RNF10: variants seen among roughly 807,000 people sequenced by gnomAD.
RNF10 encodes the protein ring finger protein 10.
RNF10 carries 38 observed loss-of-function variants against 91.4 expected under a neutral mutation model. The ratio of observed to expected loss-of-function variants is 0.42; its 90% confidence interval spans 0.32 to 0.54. The LOEUF is 0.54. RNF10 is among the 20% of genes least tolerant of loss of function. The probability of loss-of-function intolerance (pLI) is 0.16; values close to 1 mark genes in which losing one functional copy is unlikely to be tolerated. For missense variants in RNF10, 945 were observed against 1,012.0 expected, an observed-to-expected ratio of 0.93 and a Z score of 0.90; for synonymous variants, 364 against 366.3, an observed-to-expected ratio of 0.99 and a Z score of 0.07.
At chr12:120,555,362 A>G (rs1873820709) in intron 4 of RNF10, among the ~76,000 whole-genome samples, 1 of 150,084 alleles carries the variant, frequency 6.7e-6, no homozygotes, top group Non-Finnish European at 1.5e-5. Context: ...TTGTATTTTT[A>G]GTAGAGACGG....
chr12:120,557,162 T>C, intron 4 of RNF10, 120 bp from the exon 5 acceptor site: 2 of 806,892 alleles, frequency 2.5e-6, no homozygotes, highest in Middle Eastern at 2.4e-4. Context: ...ATGTTGAGTA[T>C]AAGGATGTAC....
chr12:120,542,653 A>G (rs1367066405), intron 1 of RNF10, among the ~76,000 whole-genome samples: 3 of 152,090 alleles, frequency 2.0e-5, no homozygotes, highest in Non-Finnish European at 4.4e-5. Flanking sequence ...CCCGGGTTCA[A>G]ATGATTCTCA....
At chr12:120,546,639 A>C in intron 2 of RNF10, 38 bp downstream of exon 2, 1 of 1,565,694 alleles carries the variant, frequency 6.4e-7, no homozygotes, top group Non-Finnish European at 8.7e-7. Context: ...GAGCATAAGC[A>C]TGAGATCTGA....
At chr12:120,555,628 C>T (rs1873869091) in intron 4 of RNF10, among the ~76,000 whole-genome samples, 1 of 152,014 alleles carries the variant, frequency 6.6e-6, no homozygotes, top group African/African-American at 2.4e-5. Flanking sequence ...ACTGGGACTA[C>T]AGGCACGCAC....
chr12:120,550,366 G>A (rs1295558502), intron 2 of RNF10, among the ~76,000 whole-genome samples: 1 of 152,082 alleles, frequency 6.6e-6, no homozygotes, highest in Non-Finnish European at 1.5e-5. Flanking sequence ...GAAAGTGACA[G>A]TGGGCCAGCT....
At chr12:120,555,157 G>A (rs1355766678) in intron 4 of RNF10, among the ~76,000 whole-genome samples, 1 of 152,336 alleles carries the variant, frequency 6.6e-6, no homozygotes, top group Non-Finnish European at 1.5e-5. Context: ...CCTTGTGGCA[G>A]GGAGGCACAT....
chr12:120,570,889 A>G (rs1876517349), intron 13 of RNF10, among the ~76,000 whole-genome samples: 1 of 152,128 alleles, frequency 6.6e-6, no homozygotes, highest in African/African-American at 2.4e-5. Context: ...GCCTTTGTGG[A>G]AAGTATAGCA....
intron 13 of RNF10, 123 bp from the exon 14 acceptor site, chr12:120,571,067 CT>C (rs1243524864): frequency 0.099 from 48,266 of 487,092 alleles, 1 homozygote; most frequent in South Asian, 0.14. Context: ...TCAATGTTTG[CT>C]TTTTTTTTTT....
At chr12:120,570,947 A>T (rs1876524292) in intron 13 of RNF10, among the ~76,000 whole-genome samples, 1 of 152,126 alleles carries the variant, frequency 6.6e-6, no homozygotes, top group Non-Finnish European at 1.5e-5. Flanking sequence ...TTCTACCATG[A>T]CTTCTAGAGT....
At chr12:120,545,032 T>C (rs1229093744) in intron 1 of RNF10, among the ~76,000 whole-genome samples, 7 of 152,338 alleles carry the variant, frequency 4.6e-5, no homozygotes, top group Non-Finnish European at 1.0e-4. Context: ...TCATTTTATA[T>C]AAGATTTGTG....
Position 120,534,857 on chromosome 12 carries a change from G to GACAAGA in RNF10, c.50_55dup (p.Lys17_Asn18dup). The GACAAGA allele has an allele frequency of 6.2e-7, 1 of 1,607,870 alleles. No individual in the cohort carries two copies. ...CGCCGCCGCCACCGCCTCCGACATG[G>GACAAGA]ACAAGAACAGCGGCTCCAACAGCTC... On this transcript the variant is annotated inframe_insertion, in exon 1 of 17. Transcript: ENST00000325954.
In RNF10 at chr12:120,563,314, T is replaced by A. The variant is rs768884209; in HGVS notation, c.1255-33T>A. On this transcript the variant is annotated intron_variant, in intron 8 of 16. Coordinates refer to ENST00000325954, the MANE Select transcript of RNF10 (RefSeq NM_014868.5). ...CATTGCTTTCGGAAAGCAGGAGATA[T>A]CCTTTCTGTTGACTTAGAGTTTGCT... 1.9e-6 allele frequency: 3 copies of A among 1,583,214 alleles called. No homozygotes were observed. The South Asian group carries it at 3.4e-5, about 18-fold the overall frequency.
intron 1 of RNF10, among the ~76,000 whole-genome samples, chr12:120,543,130 G>A (rs1871810999): frequency 6.6e-6 from 1 of 152,044 alleles, no homozygotes; most frequent in African/African-American, 2.4e-5. Flanking sequence ...GTTTAACCTT[G>A]AATTTATTTA....
At chr12:120,535,432 G>C (rs565613223) in intron 1 of RNF10, 1 of 152,654 alleles carries the variant, frequency 6.6e-6, no homozygotes, top group South Asian at 2.0e-4. Flanking sequence ...CCTGGTCCCA[G>C]ATCCATTCCT....
At chr12:120,555,243 G>A (rs1219062976) in intron 4 of RNF10, among the ~76,000 whole-genome samples, 2 of 152,188 alleles carry the variant, frequency 1.3e-5, no homozygotes, top group Non-Finnish European at 2.9e-5. Context: ...GTACAGTGGT[G>A]TGATCTTGGC....
chr12:120,547,378 A>G (rs1178867486), intron 2 of RNF10, among the ~76,000 whole-genome samples: 1 of 151,738 alleles, frequency 6.6e-6, no homozygotes, highest in Non-Finnish European at 1.5e-5. Flanking sequence ...TGCAGCCTTG[A>G]CCTCCTGGGC....
At chr12:120,539,930 G>A (rs1208013845) in intron 1 of RNF10, among the ~76,000 whole-genome samples, 4 of 151,564 alleles carry the variant, frequency 2.6e-5, no homozygotes, top group South Asian at 2.1e-4. Context: ...CTGCCTTCCC[G>A]GTTTAAGCAA....
intron 13 of RNF10, among the ~76,000 whole-genome samples, chr12:120,569,453 T>A (rs969988156): frequency 2.6e-5 from 4 of 152,020 alleles, no homozygotes; most frequent in Admixed American, 1.3e-4. Context: ...AGGACTGCAC[T>A]ACTGTGACGC....
rs1213451871 is a variant in RNF10 at position 120,552,495 on chromosome 12, C to G, written c.355-4C>G. On this transcript the variant is annotated splice_region_variant and splice_polypyrimidine_tract_variant and intron_variant, in intron 2 of 16. Coordinates refer to ENST00000325954, the MANE Select transcript of RNF10 (RefSeq NM_014868.5). ...AAATACTGATTCATTCTCATTCTCTCTAGGTAGCAGAGGCTCAACGGGCAG... is the reference window on the plus strand; with the variant it reads ...AAATACTGATTCATTCTCATTCTCTGTAGGTAGCAGAGGCTCAACGGGCAG... 2 of 1,612,214 alleles carry G rather than the reference C, an allele frequency of 1.2e-6. No homozygotes were observed. Among genetic ancestry groups the G allele is most frequent in the Non-Finnish European group, 1.7e-6 (2 of 1,178,386 alleles).
Sources: gnomAD v4.1 joint callset for allele counts (sites outside exome capture counted in the v4.1 genomes callset) on GRCh38, gnomAD v4.1.1 for gene constraint, MANE v1.5 for transcripts, NCBI Gene and HGNC (gene_info 2026-07-23, HGNC 2026-07-21) for gene names.